The following CHST9 variants were observed in gnomAD, a reference collection of about 807,000 sequenced individuals.
CHST9 encodes the protein carbohydrate sulfotransferase 9, also known as GalNAc-4-sulfotransferase 2.
CHST9 carries 41 observed loss-of-function variants against 44.4 expected under a neutral mutation model. That is an observed-to-expected ratio of 0.92 (90% CI 0.72 to 1.20). The LOEUF (loss-of-function observed/expected upper bound fraction) is 1.20. CHST9 is among the 50% of genes most tolerant of loss of function. The pLI is 0.00. For synonymous variants in CHST9, 171 were observed against 178.4 expected (o/e 0.96, Z 0.33); for missense variants, 504 against 516.5 (o/e 0.98, Z 0.23).
chr18:27,010,742 A>G (rs2057073804), intron 4 of CHST9, among the ~76,000 whole-genome samples: 1 of 152,236 alleles, frequency 6.6e-6, no homozygotes, highest in Non-Finnish European at 1.5e-5. Context: ...ATCAGCAGAA[A>G]TGTCTCAAGG....
intron 4 of CHST9, among the ~76,000 whole-genome samples, chr18:26,971,641 G>T (rs1268557727): frequency 6.6e-6 from 1 of 152,212 alleles, no homozygotes; most frequent in Non-Finnish European, 1.5e-5. Context: ...GTGTCAGAGG[G>T]AGGAATGGAC....
At chr18:26,937,046 T>TGAAACACAAAGAA (rs1343345804) in intron 5 of CHST9, among the ~76,000 whole-genome samples, 4 of 152,160 alleles carry the variant, frequency 2.6e-5, no homozygotes, top group African/African-American at 9.7e-5. Context: ...AGAAAACATT[T>TGAAACACAAAGAA]TATAGTGAGT....
chr18:26,927,815 C>A (rs533002510), intron 5 of CHST9, among the ~76,000 whole-genome samples: 25 of 152,040 alleles, frequency 1.6e-4, no homozygotes, highest in African/African-American at 5.8e-4. Flanking sequence ...TCAGCACAGA[C>A]CATTTATGGG....
intron 4 of CHST9, among the ~76,000 whole-genome samples, chr18:26,957,566 C>CAAAAAAAAA (rs200839830): frequency 7.1e-6 from 1 of 141,710 alleles, no homozygotes. Context: ...AACTACACTG[C>CAAAAAAAAA]AAAAAAAAAA....
At chr18:26,992,120 T>A (rs1383087477) in intron 4 of CHST9, among the ~76,000 whole-genome samples, 1 of 127,032 alleles carries the variant, frequency 7.9e-6, no homozygotes, top group African/African-American at 2.7e-5. Context: ...ATCCCAACTT[T>A]GAGGTTGAGC....
chr18:26,956,838 C>G (rs915387668), intron 4 of CHST9, among the ~76,000 whole-genome samples: 2 of 152,108 alleles, frequency 1.3e-5, no homozygotes, highest in Non-Finnish European at 2.9e-5. Context: ...CTGGTTGGAT[C>G]AACATTATTT....
chr18:26,971,020 C>A (rs1781966662), intron 4 of CHST9, among the ~76,000 whole-genome samples: 1 of 152,176 alleles, frequency 6.6e-6, no homozygotes, highest in South Asian at 2.1e-4. Flanking sequence ...CTTCTCTCAC[C>A]AGCCTCATCC....
Position 26,914,736 on chromosome 18 carries a change from A to G in CHST9, c.*1523T>C. The G allele has an allele frequency of 2.6e-6, 1 of 391,304 alleles. No homozygotes were observed. The highest frequency in any genetic ancestry group is 4.4e-5 in the Admixed American group (1 of 22,578). The allele number at this position is 391,304 out of a possible 1,614,324, so 24.2% of individuals were successfully genotyped here. ...CCATGAAATAGAAAATCAAAATGAA[A>G]TAAGTATGACTGCAACTATCTTGGT... is the stretch of plus-strand genomic sequence containing the variant. On this transcript the variant is annotated 3_prime_UTR_variant, in exon 6 of 6. Transcript: ENST00000618847.
intron 2 of CHST9, among the ~76,000 whole-genome samples, chr18:27,124,513 A>AATTAAAACCCATTACATTTTCCCATTAC (rs1567926592): frequency 6.6e-6 from 1 of 152,216 alleles, no homozygotes; most frequent in African/African-American, 2.4e-5. Context: ...CCAGAAACAG[A>AATTAAAACCCATTACATTTTCCCATTAC]ATTAAAACCC....
intron 2 of CHST9, among the ~76,000 whole-genome samples, chr18:27,051,355 G>A (rs1466854286): frequency 6.6e-6 from 1 of 151,472 alleles, no homozygotes; most frequent in African/African-American, 2.4e-5. Context: ...GGAGTTTGAG[G>A]TTACCATGAA....
chr18:27,087,786 T>C (rs1421015809), intron 2 of CHST9, among the ~76,000 whole-genome samples: 1 of 152,214 alleles, frequency 6.6e-6, no homozygotes. Flanking sequence ...AGCTAATGTA[T>C]ACAACAGTCC....
chr18:27,117,901 A>G (rs9966600), intron 2 of CHST9, among the ~76,000 whole-genome samples: 122,796 of 152,130 alleles, frequency 0.81, 49,876 homozygotes, highest in East Asian at 0.92. Context: ...GTTCATTTGG[A>G]TAAATACCAA....
intron 1 of CHST9, among the ~76,000 whole-genome samples, chr18:27,150,089 GA>G (rs1459172490): frequency 7.3e-5 from 11 of 150,762 alleles, no homozygotes; most frequent in African/African-American, 2.7e-4. Flanking sequence ...TCATTTTAGT[GA>G]AAGGCTTTTT....
chr18:26,952,335 T>C (rs1210410912), intron 4 of CHST9: 20 of 504,760 alleles, frequency 4.0e-5, no homozygotes, highest in Non-Finnish European at 1.6e-5. Context: ...ACCAACTATG[T>C]CCTCAGGCAG....
intron 2 of CHST9, among the ~76,000 whole-genome samples, chr18:27,070,641 C>T (rs942024689): frequency 2.6e-5 from 4 of 151,962 alleles, no homozygotes; most frequent in African/African-American, 9.7e-5. Context: ...TACTCTAGGT[C>T]CCCCACTAAG....
chr18:27,077,761 C>G (rs190264390), intron 2 of CHST9, among the ~76,000 whole-genome samples: 4 of 152,128 alleles, frequency 2.6e-5, no homozygotes, highest in Non-Finnish European at 5.9e-5. Context: ...CATATAAAGA[C>G]AGAAAAATAT....
intron 3 of CHST9, among the ~76,000 whole-genome samples, chr18:27,027,660 G>A (rs1222937296): frequency 1.3e-5 from 2 of 152,064 alleles, no homozygotes; most frequent in East Asian, 3.9e-4. Flanking sequence ...ATCTAATTTA[G>A]TATCATAAGA....
chr18:27,059,637 G>T (rs1437392633), intron 2 of CHST9, among the ~76,000 whole-genome samples: 3 of 152,070 alleles, frequency 2.0e-5, no homozygotes, highest in Non-Finnish European at 4.4e-5. Context: ...TTTCATCTGG[G>T]GGAAACAAGG....
At chr18:26,982,943 A>G (rs534658042) in intron 4 of CHST9, among the ~76,000 whole-genome samples, 4 of 152,286 alleles carry the variant, frequency 2.6e-5, no homozygotes, top group Non-Finnish European at 5.9e-5. Flanking sequence ...ACAAGCAGAT[A>G]GACAATTACA....
Sources: allele counts gnomAD v4.1 joint callset (sites outside exome capture counted in the v4.1 genomes callset), GRCh38; gene constraint gnomAD v4.1.1; transcripts MANE v1.5; gene names NCBI Gene and HGNC (gene_info 2026-07-23, HGNC 2026-07-21).